Variants in B3GALT1 observed in about 807,000 individuals in gnomAD.
The protein encoded by B3GALT1 is beta-1,3-galactosyltransferase 1.
In B3GALT1, 10 loss-of-function variants were observed where a neutral mutation model predicts 23.2. That is an observed-to-expected ratio of 0.43 (90% confidence interval 0.27 to 0.73). The LOEUF is 0.73. Among genes scored for constraint, B3GALT1 ranks in the 30% least tolerant of loss-of-function variants. The pLI is 0.21. For missense variants in B3GALT1, 299 were observed against 405.4 expected, an observed-to-expected ratio of 0.74 and a Z score of 2.25; for synonymous variants, 156 against 141.5, an observed-to-expected ratio of 1.10 and a Z score of -0.73.
In B3GALT1 at chr2:167,869,921, G is replaced by T. The variant is rs372957873; in HGVS notation, c.882G>T (p.Leu294Phe). ...ATCACTGGAAAATGGCCTACAGTTT[G>T]TGTAGGTATCGCCGAGTTATCACTG... ...GFNHWKMAYS[L>F]CRYRRVITVH... The change falls in exon 5 of 5, where the codon TTG (leucine) becomes TTT (phenylalanine). Residue 294 changes from leucine to phenylalanine, a missense_variant. Leu to Phe is a conservative substitution (Grantham distance 22, BLOSUM62 0). Around this residue, in one of 3 missense-constraint regions of B3GALT1, gnomAD observed 133 missense variants for 204.8 expected, o/e 0.65. Transcript: ENST00000392690. The surrounding 1 kb of genome is among the most constrained non-coding windows in gnomAD (Gnocchi z 6.4). 9.9e-6 allele frequency: 16 copies of T among 1,614,194 alleles called. No individual in the cohort carries two copies. Among genetic ancestry groups the T allele is most frequent in the Non-Finnish European group, 1.4e-5 (16 of 1,180,026 alleles).
chr2:167,807,423 G>A (rs1688778237), intron 3 of B3GALT1, among the ~76,000 whole-genome samples: 2 of 151,812 alleles, frequency 1.3e-5, no homozygotes, highest in South Asian at 2.1e-4. Flanking sequence ...TCAATTTTAG[G>A]TCTTTCCTGC....
At chr2:167,462,838 T>C (rs967695034) in intron 1 of B3GALT1, among the ~76,000 whole-genome samples, 5 of 152,210 alleles carry the variant, frequency 3.3e-5, no homozygotes, top group African/African-American at 1.2e-4. Flanking sequence ...ATACCCATTC[T>C]GTCTGCATTT....
At chr2:167,866,145 T>C (rs886163936) in intron 4 of B3GALT1, among the ~76,000 whole-genome samples, 2 of 152,214 alleles carry the variant, frequency 1.3e-5, no homozygotes, top group Non-Finnish European at 2.9e-5. Flanking sequence ...GGTTCCCCTT[T>C]AGTGAACTTG....
intron 4 of B3GALT1, among the ~76,000 whole-genome samples, chr2:167,848,205 G>A (rs1451137204): frequency 6.6e-6 from 1 of 152,048 alleles, no homozygotes; most frequent in Non-Finnish European, 1.5e-5. Flanking sequence ...TATTGCACAA[G>A]ATATAGACAG....
chr2:167,588,771 G>T (rs1684620304), intron 2 of B3GALT1, among the ~76,000 whole-genome samples: 1 of 151,442 alleles, frequency 6.6e-6, no homozygotes, highest in South Asian at 2.1e-4. Flanking sequence ...TATCCAAAAA[G>T]AAAATGGTTA....
Position 167,301,258 on chromosome 2 carries a change from A to G in B3GALT1, c.-511+7924A>G, listed in dbSNP as rs75267883. Among the ~76,000 whole-genome samples, 186 of 152,350 alleles carry G rather than the reference A, an allele frequency of 1.2e-3. No homozygotes were observed. In the South Asian group the frequency reaches 0.012, roughly 10 times the overall value. On this transcript the variant is annotated intron_variant, in intron 1 of 4. Transcript: ENST00000392690. ...ATGACTAAATTAAGGAATAAGATCC[A>G]CAACAAAGGAAGGTATTTTGAAGCT...
At chr2:167,466,719 C>G (rs1045136307) in intron 1 of B3GALT1, among the ~76,000 whole-genome samples, 1 of 100,808 alleles carries the variant, frequency 9.9e-6, no homozygotes, top group African/African-American at 3.6e-5. Flanking sequence ...TATTATCACT[C>G]TTTTGTTTTT....
At chr2:167,304,923 G>A (rs777653703) in intron 1 of B3GALT1, among the ~76,000 whole-genome samples, 3 of 152,106 alleles carry the variant, frequency 2.0e-5, no homozygotes, top group Non-Finnish European at 4.4e-5. Context: ...TCCAAGGACG[G>A]GAGAAGATAG....
At chr2:167,838,888 T>C (rs79018978) in intron 4 of B3GALT1, among the ~76,000 whole-genome samples, 1 of 151,050 alleles carries the variant, frequency 6.6e-6, no homozygotes, top group African/African-American at 2.5e-5. Flanking sequence ...CAAATCAATA[T>C]ATGTAATCCA....
chr2:167,295,329 T>G lies in B3GALT1; in HGVS notation c.-511+1995T>G, dbSNP rs368248975. On this transcript the variant is annotated intron_variant, in intron 1 of 4. Coordinates refer to ENST00000392690, the MANE Select transcript of B3GALT1 (RefSeq NM_020981.4). ...AAGAAAGTATATAGTTTGTGGTGGT[T>G]GTTCTATACAAAATTTACCTGCTTC... Among the ~76,000 whole-genome samples, 79 of 152,314 alleles carry G rather than the reference T, an allele frequency of 5.2e-4. No homozygotes were observed. The East Asian group carries it at 7.9e-3, about 15-fold the overall frequency.
intron 2 of B3GALT1, among the ~76,000 whole-genome samples, chr2:167,615,495 A>G (rs1174194060): frequency 6.6e-6 from 1 of 152,052 alleles, no homozygotes; most frequent in Non-Finnish European, 1.5e-5. Flanking sequence ...GACAGTTAAT[A>G]ATAATGTATT....
intron 3 of B3GALT1, among the ~76,000 whole-genome samples, chr2:167,747,524 T>C (rs1687670917): frequency 1.3e-5 from 2 of 152,154 alleles, no homozygotes; most frequent in Non-Finnish European, 2.9e-5. Context: ...TAGAAGGCCA[T>C]TGTAGACAGA....
chr2:167,307,154 AAG>A (rs1218013519), intron 1 of B3GALT1, among the ~76,000 whole-genome samples: 2 of 152,078 alleles, frequency 1.3e-5, no homozygotes, highest in Non-Finnish European at 2.9e-5. Flanking sequence ...TGTTCAAAAA[AAG>A]AGCAAATAAC....
intron 3 of B3GALT1, among the ~76,000 whole-genome samples, chr2:167,681,086 C>G (rs1392924997): frequency 6.6e-6 from 1 of 151,942 alleles, no homozygotes; most frequent in Non-Finnish European, 1.5e-5. Context: ...TCTGTATAAC[C>G]AGAAATGAGG....
At chr2:167,504,349 A>T (rs1699888846) in intron 2 of B3GALT1, among the ~76,000 whole-genome samples, 1 of 152,198 alleles carries the variant, frequency 6.6e-6, no homozygotes, top group Non-Finnish European at 1.5e-5. Flanking sequence ...GTAGCTCAAG[A>T]TTACATAGTG....
chr2:167,564,789 C>A (rs557637958), intron 2 of B3GALT1, among the ~76,000 whole-genome samples: 1 of 152,304 alleles, frequency 6.6e-6, no homozygotes, highest in South Asian at 2.1e-4. Flanking sequence ...CCTAGGAATC[C>A]CACTTACAAG....
chr2:167,706,699 C>G (rs1374239817), intron 3 of B3GALT1, among the ~76,000 whole-genome samples: 2 of 152,134 alleles, frequency 1.3e-5, no homozygotes, highest in African/African-American at 2.4e-5. Context: ...ATGGAATATC[C>G]CCAGTGGTCC....
At chr2:167,316,078 T>C (rs185026059) in intron 1 of B3GALT1, among the ~76,000 whole-genome samples, 17 of 150,070 alleles carry the variant, frequency 1.1e-4, no homozygotes, top group South Asian at 4.2e-4. Context: ...CTAGCAGTTA[T>C]ATTTTTTTTT....
intron 3 of B3GALT1, among the ~76,000 whole-genome samples, chr2:167,768,151 A>G (rs1298238920): frequency 6.6e-6 from 1 of 152,210 alleles, no homozygotes; most frequent in Non-Finnish European, 1.5e-5. Flanking sequence ...CTGTCAGAGC[A>G]TCCTTACAGA....
Sources: allele counts gnomAD v4.1 joint callset (sites outside exome capture counted in the v4.1 genomes callset), GRCh38; gene constraint gnomAD v4.1.1; regional missense constraint gnomAD v4.1.1; non-coding constraint Gnocchi (gnomAD v3.1); transcripts MANE v1.5; gene names NCBI Gene and HGNC (gene_info 2026-07-23, HGNC 2026-07-21).